Variants in CYTH3 observed in about 807,000 individuals in gnomAD.
CYTH3 encodes the protein cytohesin 3, also known as cytohesin-3.
Under a neutral mutation model 55.1 loss-of-function variants are expected in CYTH3, and 23 were observed. The ratio of observed to expected loss-of-function variants is 0.42; its 90% confidence interval spans 0.30 to 0.59. CYTH3 has a LOEUF of 0.59. CYTH3 is among the 20% of genes least tolerant of loss of function. The probability of loss-of-function intolerance (pLI) is 0.20; values close to 1 mark genes in which losing one functional copy is unlikely to be tolerated. For synonymous variants in CYTH3, 249 were observed against 194.9 expected, an observed-to-expected ratio of 1.28 and a Z score of -2.31; for missense variants, 413 against 524.8, an observed-to-expected ratio of 0.79 and a Z score of 2.08.
intron 1 of CYTH3, among the ~76,000 whole-genome samples, chr7:6,220,058 TG>T (rs760368930): frequency 6.6e-6 from 1 of 151,566 alleles, no homozygotes; most frequent in Non-Finnish European, 1.5e-5. Flanking sequence ...AGCTAATTTT[TG>T]TATTTTTTTT....
intron 1 of CYTH3, among the ~76,000 whole-genome samples, chr7:6,247,795 G>A (rs969406696): frequency 6.6e-6 from 1 of 151,976 alleles, no homozygotes; most frequent in Admixed American, 6.6e-5. Flanking sequence ...CAGGTGCAGC[G>A]TGTACCACCA....
chr7:6,259,287 T>C (rs1455530084), intron 1 of CYTH3, among the ~76,000 whole-genome samples: 1 of 152,186 alleles, frequency 6.6e-6, no homozygotes, highest in Non-Finnish European at 1.5e-5. Flanking sequence ...TTTTATTAAT[T>C]ACAGACATAA....
chr7:6,196,349 T>A (rs1783927330), intron 1 of CYTH3, among the ~76,000 whole-genome samples: 2 of 151,694 alleles, frequency 1.3e-5, no homozygotes, highest in African/African-American at 4.8e-5. Flanking sequence ...AAAACCAACA[T>A]CGAATGCCCA....
At chr7:6,208,125 A>G (rs1334432685) in intron 1 of CYTH3, among the ~76,000 whole-genome samples, 1 of 152,230 alleles carries the variant, frequency 6.6e-6, no homozygotes, top group African/African-American at 2.4e-5. Flanking sequence ...GTAGGTATAC[A>G]CATCTATCAC....
chr7:6,191,303 A>G (rs1352192570), intron 1 of CYTH3, among the ~76,000 whole-genome samples: 2 of 152,050 alleles, frequency 1.3e-5, no homozygotes, highest in Non-Finnish European at 2.9e-5. Flanking sequence ...AAATAAATAA[A>G]TAAATAAATC....
chr7:6,242,803 C>T (rs1280497304), intron 1 of CYTH3, among the ~76,000 whole-genome samples: 1 of 152,154 alleles, frequency 6.6e-6, no homozygotes, highest in East Asian at 1.9e-4. Context: ...TCAACACCAT[C>T]CTACCCAGTG....
chr7:6,269,165 G>T (rs76191933), intron 1 of CYTH3, among the ~76,000 whole-genome samples: 1 of 152,060 alleles, frequency 6.6e-6, no homozygotes, highest in Non-Finnish European at 1.5e-5. Context: ...GCCTGCAGGG[G>T]TGAGTCCCTG....
At chr7:6,229,535 C>T (rs112709602) in intron 1 of CYTH3, among the ~76,000 whole-genome samples, 3,970 of 151,656 alleles carry the variant, frequency 0.026, 76 homozygotes, top group Middle Eastern at 0.041. Flanking sequence ...CAGGGCTGGG[C>T]GCAGTGGTTC....
In CYTH3 at chr7:6,170,883, C is replaced by A; in HGVS notation, c.658G>T (p.Ala220Ser). Residue 220 changes from alanine to serine, a missense_variant, in exon 8 of 13, where the codon GCC becomes TCC. Around this residue, in one of 4 missense-constraint regions of CYTH3, gnomAD observed 156 missense variants for 233.1 expected, o/e 0.67. Transcript: ENST00000350796. The surrounding 1 kb of genome is among the most constrained non-coding windows in gnomAD (Gnocchi z 7.8). ...RDKPTAERFI[A>S]MNRGINEGGD... ...CCCTCGTTGATGCCGCGGTTCATGG[C>A]GATGAACCGTTCTGCCGTGGGCTTG... 2.5e-6 allele frequency: 4 copies of A among 1,613,664 alleles called. No homozygotes were observed. The highest frequency in any genetic ancestry group is 3.4e-6 in the Non-Finnish European group (4 of 1,179,812).
intron 1 of CYTH3, among the ~76,000 whole-genome samples, chr7:6,207,075 A>G (rs1784206929): frequency 6.6e-6 from 1 of 151,478 alleles, no homozygotes; most frequent in African/African-American, 2.4e-5. Flanking sequence ...CACAGAAATT[A>G]AAATGTGCAA....
At chr7:6,272,410 G>GGGGGGGGGC in intron 1 of CYTH3, 64 bp downstream of exon 1, 9 of 1,216,590 alleles carry the variant, frequency 7.4e-6, no homozygotes, top group African/African-American at 1.6e-5. Flanking sequence ...CCGCGCCCTC[G>GGGGGGGGGC]ACCCCCAGCC....
intron 5 of CYTH3, among the ~76,000 whole-genome samples, chr7:6,177,211 A>G (rs1012848895): frequency 6.6e-6 from 1 of 152,182 alleles, no homozygotes; most frequent in Non-Finnish European, 1.5e-5. Context: ...TCCACTTTCG[A>G]TCAAATATTT....
chr7:6,188,893 A>C (rs1380224178), intron 2 of CYTH3: 1 of 152,252 alleles, frequency 6.6e-6, no homozygotes. Flanking sequence ...GGGTAACCTT[A>C]GAAGAAAAAT....
At chr7:6,259,852 CGG>C (rs2115060645) in intron 1 of CYTH3, among the ~76,000 whole-genome samples, 1 of 81,548 alleles carries the variant, frequency 1.2e-5, no homozygotes, top group Admixed American at 1.6e-4. Context: ...TTTTTTAAGA[CGG>C]ATTTTCGCTC....
Position 6,164,680 on chromosome 7 carries a change from C to T in CYTH3, c.*264G>A. On this transcript the variant is annotated 3_prime_UTR_variant, in exon 13 of 13. Transcript: ENST00000350796. ...TCTGGACATGCGCAGCCGACCATGA[C>T]CCCAGCCACGGCAGGAGGCCTCGAG... 3 of 532,252 alleles carry T rather than the reference C, an allele frequency of 5.6e-6. No homozygotes were observed. Among genetic ancestry groups the T allele is most frequent in the Non-Finnish European group, 6.7e-6 (2 of 298,138 alleles). 33.0% of individuals were successfully genotyped at this position (532,252 alleles called of 1,614,324 possible).
chr7:6,193,266 T>C (rs530490863), intron 1 of CYTH3, among the ~76,000 whole-genome samples: 2 of 150,046 alleles, frequency 1.3e-5, no homozygotes, highest in South Asian at 4.2e-4. Context: ...ACTCTCTTAA[T>C]AGTCAAGGAA....
intron 1 of CYTH3, among the ~76,000 whole-genome samples, chr7:6,271,460 C>T (rs1435732316): frequency 6.6e-6 from 1 of 151,722 alleles, no homozygotes; most frequent in Non-Finnish European, 1.5e-5. Flanking sequence ...GATGATTTCT[C>T]TGTCAGCTCA....
intron 3 of CYTH3, 40 bp downstream of exon 3, chr7:6,187,617 A>G: frequency 6.4e-7 from 1 of 1,561,990 alleles, no homozygotes; most frequent in Non-Finnish European, 8.8e-7. Context: ...GGTAGAAAGA[A>G]AAGAGTAAAT....
At chr7:6,200,783 T>C (rs1219743536) in intron 1 of CYTH3, among the ~76,000 whole-genome samples, 1 of 152,224 alleles carries the variant, frequency 6.6e-6, no homozygotes, top group Admixed American at 6.5e-5. Context: ...TGAGAAAGGA[T>C]CTTGCTCTGT....
Sources: allele counts gnomAD v4.1 joint callset (sites outside exome capture counted in the v4.1 genomes callset), GRCh38; gene constraint gnomAD v4.1.1; regional missense constraint gnomAD v4.1.1; non-coding constraint Gnocchi (gnomAD v3.1); transcripts MANE v1.5; gene names NCBI Gene and HGNC (gene_info 2026-07-23, HGNC 2026-07-21).